The following LARGE1 variants were observed in gnomAD, a reference collection of about 807,000 sequenced individuals.
LARGE1 encodes LARGE xylosyl- and glucuronyltransferase 1, also known as xylosyl- and glucuronyltransferase LARGE1.
LARGE1 carries 43 observed loss-of-function variants against 87.6 expected under a neutral mutation model. The ratio of observed to expected loss-of-function variants is 0.49; its 90% CI spans 0.38 to 0.63. The LOEUF is 0.63. Among genes scored for constraint, LARGE1 ranks in the 30% least tolerant of loss-of-function variants. The pLI, the probability that LARGE1 is intolerant of heterozygous loss-of-function variation, is 0.00. For synonymous variants in LARGE1, 434 were observed against 394.6 expected, an observed-to-expected ratio of 1.10 and a Z score of -1.18; for missense variants, 802 against 1,000.2, an observed-to-expected ratio of 0.80 and a Z score of 2.67.
At chr22:33,371,886 G>A (rs546394381) in intron 9 of LARGE1, among the ~76,000 whole-genome samples, 5 of 151,906 alleles carry the variant, frequency 3.3e-5, no homozygotes, top group South Asian at 2.1e-4. Context: ...CGGGAGGCTG[G>A]GGCAGGAGAA....
At chr22:33,373,411 G>C (rs930985304) in intron 9 of LARGE1, among the ~76,000 whole-genome samples, 4 of 152,040 alleles carry the variant, frequency 2.6e-5, no homozygotes, top group African/African-American at 4.8e-5. Flanking sequence ...CCCTAGTTTT[G>C]GGTTAGAAAT....
chr22:33,310,234 C>T (rs544809635), intron 11 of LARGE1, among the ~76,000 whole-genome samples: 49 of 152,298 alleles, frequency 3.2e-4, no homozygotes, highest in South Asian at 2.3e-3. Flanking sequence ...GCTCTGTGAG[C>T]CCAGCCCATT....
At chr22:33,390,447 A>G (rs772926894) in intron 7 of LARGE1, among the ~76,000 whole-genome samples, 3 of 152,218 alleles carry the variant, frequency 2.0e-5, no homozygotes, top group Admixed American at 6.5e-5. Context: ...ATCTTAGAAC[A>G]TTAGAACTAA....
At chr22:33,198,979 C>T (rs2146206739) in intron 11 of LARGE1, among the ~76,000 whole-genome samples, 1 of 152,208 alleles carries the variant, frequency 6.6e-6, no homozygotes, top group Middle Eastern at 3.4e-3. Context: ...ATAAATATTC[C>T]CTTTTCTCCA....
At chr22:33,120,378 CTT>C in the LARGE1 span, among the ~76,000 whole-genome samples, 279 of 92,034 alleles carry the variant, frequency 3.0e-3, 2 homozygotes, top group African/African-American at 0.018. Context: ...TTCTTTCTTT[CTT>C]TCTTTCTTTC....
chr22:33,511,585 G>C (rs548216810), intron 6 of LARGE1, among the ~76,000 whole-genome samples: 1 of 152,160 alleles, frequency 6.6e-6, no homozygotes, highest in Admixed American at 6.5e-5. Context: ...CAGCTGTGAT[G>C]TTTGCAGACC....
intron 2 of LARGE1, among the ~76,000 whole-genome samples, chr22:33,686,244 G>C (rs558317604): frequency 1.3e-5 from 2 of 152,124 alleles, no homozygotes; most frequent in Admixed American, 6.5e-5. Context: ...GTGAACTGGA[G>C]CTTAGGATTG....
At chr22:33,321,093 A>G (rs887529913) in intron 10 of LARGE1, 1 of 152,262 alleles carries the variant, frequency 6.6e-6, no homozygotes, top group Non-Finnish European at 1.5e-5. Flanking sequence ...CAGCTGTAAA[A>G]TGAGGACGAC....
chr22:33,772,319 C>A (rs1221535463), intron 1 of LARGE1, among the ~76,000 whole-genome samples: 1 of 145,368 alleles, frequency 6.9e-6, no homozygotes, highest in Non-Finnish European at 1.5e-5. Flanking sequence ...GGCAACAGAG[C>A]GAGACTCTGC....
the LARGE1 span, among the ~76,000 whole-genome samples, chr22:33,154,851 G>A: frequency 6.6e-6 from 1 of 152,168 alleles, no homozygotes; most frequent in African/African-American, 2.4e-5. Context: ...CATGTGTCAT[G>A]GGAGGAACCC....
At chr22:33,353,756 T>G (rs1940628729) in intron 9 of LARGE1, among the ~76,000 whole-genome samples, 1 of 152,168 alleles carries the variant, frequency 6.6e-6, no homozygotes, top group Admixed American at 6.5e-5. Flanking sequence ...AAAGAGAGTA[T>G]GTGGAATCAT....
intron 12 of LARGE1, among the ~76,000 whole-genome samples, chr22:33,292,381 T>C (rs1932741624): frequency 6.6e-6 from 1 of 152,036 alleles, no homozygotes; most frequent in African/African-American, 2.4e-5. Flanking sequence ...ACAGTCAAAT[T>C]TAAACAGGGA....
chr22:33,658,520 T>C (rs536814794), intron 2 of LARGE1, among the ~76,000 whole-genome samples: 8 of 152,334 alleles, frequency 5.3e-5, no homozygotes, highest in African/African-American at 1.9e-4. Context: ...CTTCCACTTA[T>C]GAGTGAGAAC....
intron 7 of LARGE1, among the ~76,000 whole-genome samples, chr22:33,416,137 A>T (rs2066477268): frequency 6.6e-6 from 1 of 152,136 alleles, no homozygotes; most frequent in Admixed American, 6.5e-5. Context: ...AAAAACCCAA[A>T]ATGTGACAAA....
chr22:33,919,619 C>T (rs904615668), intron 1 of LARGE1, among the ~76,000 whole-genome samples: 1 of 152,368 alleles, frequency 6.6e-6, no homozygotes, highest in South Asian at 2.1e-4. Flanking sequence ...TAGTTGCGTA[C>T]CGCCCAACAG....
intron 7 of LARGE1, among the ~76,000 whole-genome samples, chr22:33,418,996 C>A (rs2066600951): frequency 1.3e-5 from 2 of 152,198 alleles, no homozygotes; most frequent in South Asian, 4.2e-4. Context: ...TCCATCCTCA[C>A]CCTGCTATAA....
intron 11 of LARGE1, among the ~76,000 whole-genome samples, chr22:33,178,249 G>C (rs567760119): frequency 6.6e-6 from 1 of 152,284 alleles, no homozygotes; most frequent in Admixed American, 6.5e-5. Flanking sequence ...GTTTTCCTTT[G>C]TCATGAAGCT....
chr22:33,511,166 C>T (rs1410375731), intron 6 of LARGE1, among the ~76,000 whole-genome samples: 1 of 152,200 alleles, frequency 6.6e-6, no homozygotes, highest in Non-Finnish European at 1.5e-5. Flanking sequence ...GGCAGCTGTA[C>T]TCAGGTATCT....
the LARGE1 span, among the ~76,000 whole-genome samples, chr22:33,139,320 T>C: frequency 6.6e-6 from 1 of 152,200 alleles, no homozygotes; most frequent in East Asian, 1.9e-4. Context: ...AATTCTCTAT[T>C]CATATCCTTT....
Sources: allele counts gnomAD v4.1 joint callset (sites outside exome capture counted in the v4.1 genomes callset), GRCh38; gene constraint gnomAD v4.1.1; transcripts MANE v1.5; gene names NCBI Gene and HGNC (gene_info 2026-07-23, HGNC 2026-07-21).